The following EXOC6B variants were observed in gnomAD, a reference collection of about 807,000 sequenced individuals.
EXOC6B encodes the protein SEC15 homolog B.
A neutral mutation model predicts 113.5 loss-of-function variants in EXOC6B; 54 were observed. The ratio of observed to expected loss-of-function variants is 0.48; its 90% confidence interval spans 0.38 to 0.60. The LOEUF (loss-of-function observed/expected upper bound fraction) is 0.60. Ranked by LOEUF, EXOC6B falls within the 20% of genes least tolerant of loss-of-function variation. The pLI is 0.00. For missense variants in EXOC6B, 797 were observed against 977.5 expected, an observed-to-expected ratio of 0.82 and a Z score of 2.46; for synonymous variants, 357 against 339.0, an observed-to-expected ratio of 1.05 and a Z score of -0.58.
intron 19 of EXOC6B, among the ~76,000 whole-genome samples, chr2:72,377,136 A>C (rs530285313): frequency 2.0e-5 from 3 of 152,334 alleles, no homozygotes; most frequent in South Asian, 4.1e-4. Context: ...AAGGCAAATT[A>C]AAACCATAAT....
chr2:72,418,842 C>T (rs1190415608), intron 18 of EXOC6B, among the ~76,000 whole-genome samples: 1 of 152,134 alleles, frequency 6.6e-6, no homozygotes, highest in Non-Finnish European at 1.5e-5. Flanking sequence ...TTTCTTTTGT[C>T]ATTTGCTATT....
In EXOC6B at chr2:72,515,026, G is replaced by A. The variant is rs1701143973; in HGVS notation, c.999+17C>T. On this transcript the variant is annotated intron_variant, in intron 9 of 21. Coordinates refer to ENST00000272427, the MANE Select transcript of EXOC6B (RefSeq NM_015189.3). ...GGAAAAGTAAAAATGTGAGAAAAGT[G>A]AAGATGGTAATCCTACCATGTTAGA... is the stretch of plus-strand genomic sequence containing the variant. 6.3e-7 allele frequency: 1 copy of A among 1,586,566 alleles called. No homozygotes were observed. The highest frequency in any genetic ancestry group is 8.6e-7 in the Non-Finnish European group (1 of 1,163,890).
intron 8 of EXOC6B, among the ~76,000 whole-genome samples, chr2:72,539,763 C>T (rs11893504): frequency 0.71 from 108,147 of 151,628 alleles, 40,088 homozygotes; most frequent in East Asian, 0.98. Flanking sequence ...CGCGCGCGCG[C>T]GTGTGTGTAG....
intron 18 of EXOC6B, among the ~76,000 whole-genome samples, chr2:72,411,483 T>G (rs1179980759): frequency 1.3e-5 from 2 of 152,068 alleles, no homozygotes; most frequent in African/African-American, 4.8e-5. Context: ...CTCCAGCATA[T>G]AGATGGGACC....
At position 72,609,463 on chromosome 2, in the gene EXOC6B, C is replaced by T. The variant is rs539024067; in HGVS notation, c.670-33795G>A. Among the ~76,000 whole-genome samples the T allele has an allele frequency of 7.7e-4, 117 of 151,766 alleles. 1 individual carries two copies. In the South Asian group the frequency reaches 0.024, roughly 31 times the overall value. On this transcript the variant is annotated intron_variant, in intron 6 of 21. Coordinates refer to ENST00000272427, the MANE Select transcript of EXOC6B (RefSeq NM_015189.3). ...TGAAATAAGGAACTTACTGGATGTT[C>T]TGCCAAATCCCCCTCTGCGAGAAAC...
intron 1 of EXOC6B, among the ~76,000 whole-genome samples, chr2:72,802,300 G>C (rs1179213496): frequency 6.6e-6 from 1 of 151,340 alleles, no homozygotes; most frequent in Non-Finnish European, 1.5e-5. Flanking sequence ...ACTCTAGCCT[G>C]GGCAACAGGG....
chr2:72,709,506 C>T (rs1046977176), intron 6 of EXOC6B, among the ~76,000 whole-genome samples: 14 of 152,066 alleles, frequency 9.2e-5, no homozygotes, highest in Non-Finnish European at 1.2e-4. Context: ...ACTACAGCCA[C>T]CAGTAAACTC....
At chr2:72,473,739 T>G (rs1373543611) in intron 17 of EXOC6B, among the ~76,000 whole-genome samples, 1 of 152,138 alleles carries the variant, frequency 6.6e-6, no homozygotes, top group African/African-American at 2.4e-5. Flanking sequence ...ATTTTGTGTA[T>G]TCTTTGTTCC....
At chr2:72,251,896 T>C (rs1012036739) in intron 20 of EXOC6B, among the ~76,000 whole-genome samples, 1 of 152,192 alleles carries the variant, frequency 6.6e-6, no homozygotes, top group Non-Finnish European at 1.5e-5. Context: ...CACAATTTTA[T>C]TACCAACAAA....
chr2:72,305,127 T>C (rs1686756109), intron 20 of EXOC6B, among the ~76,000 whole-genome samples: 1 of 152,172 alleles, frequency 6.6e-6, no homozygotes, highest in Non-Finnish European at 1.5e-5. Flanking sequence ...TCATCACAAG[T>C]GCATGAGGTA....
intron 18 of EXOC6B, among the ~76,000 whole-genome samples, chr2:72,428,138 T>C (rs1183856249): frequency 6.6e-6 from 1 of 152,188 alleles, no homozygotes; most frequent in African/African-American, 2.4e-5. Flanking sequence ...CACCCATCAC[T>C]TGTCTGTGTA....
At chr2:72,650,711 T>C (rs1201407734) in intron 6 of EXOC6B, among the ~76,000 whole-genome samples, 1 of 151,774 alleles carries the variant, frequency 6.6e-6, no homozygotes, top group Non-Finnish European at 1.5e-5. Context: ...ATGGTAAATA[T>C]GCACATGAAA....
chr2:72,442,372 C>T (rs1696261392), intron 18 of EXOC6B, among the ~76,000 whole-genome samples: 1 of 152,130 alleles, frequency 6.6e-6, no homozygotes, highest in South Asian at 2.1e-4. Flanking sequence ...TCTCAAGACT[C>T]ATATTCAACA....
At chr2:72,463,967 G>A (rs1016065414) in intron 18 of EXOC6B, 3 of 152,118 alleles carry the variant, frequency 2.0e-5, no homozygotes, top group African/African-American at 7.2e-5. Context: ...ATCCTCACAT[G>A]GCCACAAGGA....
At chr2:72,351,660 T>A (rs7558686) in intron 19 of EXOC6B, among the ~76,000 whole-genome samples, 52,375 of 152,104 alleles carry the variant, frequency 0.34, 14,237 homozygotes, top group African/African-American at 0.76. Flanking sequence ...CCTGAACTTC[T>A]AATTTAATCA....
chr2:72,398,712 A>G (rs1331286314), intron 18 of EXOC6B, among the ~76,000 whole-genome samples: 1 of 138,420 alleles, frequency 7.2e-6, no homozygotes, highest in Non-Finnish European at 1.5e-5. Flanking sequence ...AAAAAAAAAA[A>G]ACTGTCTCTC....
intron 18 of EXOC6B, among the ~76,000 whole-genome samples, chr2:72,420,642 G>C (rs1694818747): frequency 6.6e-6 from 1 of 152,164 alleles, no homozygotes; most frequent in Non-Finnish European, 1.5e-5. Context: ...ATCATTGATG[G>C]ACATTTGGGT....
At chr2:72,247,013 C>T in intron 20 of EXOC6B, among the ~76,000 whole-genome samples, 1 of 152,140 alleles carries the variant, frequency 6.6e-6, no homozygotes, top group East Asian at 1.9e-4. Context: ...CTTTACAGTT[C>T]TTTGCCTATA....
intron 18 of EXOC6B, among the ~76,000 whole-genome samples, chr2:72,431,525 C>CTATCTATCTATG (rs1553407649): frequency 1.3e-5 from 2 of 151,660 alleles, no homozygotes; most frequent in African/African-American, 4.8e-5. Context: ...ATCTATCTAT[C>CTATCTATCTATG]TATCTATCTA....
Sources: allele counts gnomAD v4.1 joint callset (sites outside exome capture counted in the v4.1 genomes callset), GRCh38; gene constraint gnomAD v4.1.1; transcripts MANE v1.5; gene names NCBI Gene and HGNC (gene_info 2026-07-23, HGNC 2026-07-21).